Variants in TBC1D5 observed in about 807,000 individuals in gnomAD.
TBC1D5 encodes TBC1 domain family, member 5.
TBC1D5 carries 75 observed loss-of-function variants against 100.3 expected under a neutral mutation model. The observed-to-expected ratio is 0.75, with a 90% CI of 0.62 to 0.91. The LOEUF is 0.91. Among genes scored for constraint, TBC1D5 ranks in the 40% least tolerant of loss-of-function variants. The pLI is 0.00. For synonymous variants in TBC1D5, 323 were observed against 325.6 expected, an observed-to-expected ratio of 0.99 and a Z score of 0.09; for missense variants, 910 against 942.4, an observed-to-expected ratio of 0.97 and a Z score of 0.45.
In TBC1D5 at chr3:17,532,567, CAA is replaced by C. The variant is rs1225478157; in HGVS notation, c.-35-23964_-35-23963del. Among the ~76,000 whole-genome samples the C allele has an allele frequency of 3.1e-4, 47 of 152,126 alleles. 1 individual carries two copies. The highest frequency in any genetic ancestry group is 3.1e-3 in the Admixed American group (47 of 15,274). ...TTTATTGTGGCACTATTCACAATAG[CAA>C]AGTCTTGGAACCAACCCAAATGTCC... On this transcript the variant is annotated intron_variant, in intron 2 of 21. Transcript: ENST00000253692.
chr3:17,422,822 T>C (rs2094245272), intron 4 of TBC1D5, among the ~76,000 whole-genome samples: 1 of 152,176 alleles, frequency 6.6e-6, no homozygotes. Flanking sequence ...TTCAAATTTA[T>C]TGATTATTGA....
At chr3:17,687,222 TAC>T (rs1486158648) in intron 1 of TBC1D5, among the ~76,000 whole-genome samples, 2 of 151,092 alleles carry the variant, frequency 1.3e-5, no homozygotes, top group African/African-American at 5.0e-5. Flanking sequence ...ACAGTAAGTC[TAC>T]AGTCATAAAA....
At chr3:17,236,199 GA>G (rs2075835898) in intron 17 of TBC1D5, among the ~76,000 whole-genome samples, 1 of 152,106 alleles carries the variant, frequency 6.6e-6, no homozygotes, top group African/African-American at 2.4e-5. Flanking sequence ...TAGTTCCTCA[GA>G]AAATTTAAGC....
chr3:17,630,063 T>G lies in TBC1D5; in HGVS notation c.-100-6150A>C, dbSNP rs563665600. 5.3e-5 allele frequency among the ~76,000 whole-genome samples: 8 copies of G among 152,318 alleles called. No homozygotes were observed. The South Asian group carries it at 6.2e-4, about 12-fold the overall frequency. On this transcript the variant is annotated intron_variant, in intron 1 of 21. Coordinates refer to ENST00000253692, the Ensembl canonical transcript of TBC1D5. Reference sequence around the variant, plus strand: ...ATTCAGCACAATACCCACACACAGCTAACTAGCACATGTTTTTGACACGAA... The same window carrying G: ...ATTCAGCACAATACCCACACACAGCGAACTAGCACATGTTTTTGACACGAA...
chr3:17,278,464 C>T (rs2080248388), intron 15 of TBC1D5, among the ~76,000 whole-genome samples: 1 of 152,114 alleles, frequency 6.6e-6, no homozygotes, highest in Non-Finnish European at 1.5e-5. Flanking sequence ...AAAATATATG[C>T]ACAACAGAGT....
intron 1 of TBC1D5, among the ~76,000 whole-genome samples, chr3:17,735,441 T>C (rs138086452): frequency 6.6e-6 from 1 of 152,196 alleles, no homozygotes; most frequent in East Asian, 1.9e-4. Flanking sequence ...TGGAATGAGG[T>C]ATAATTGTTA....
At chr3:17,713,244 C>CTTT (rs770932378) in intron 1 of TBC1D5, among the ~76,000 whole-genome samples, 1 of 139,850 alleles carries the variant, frequency 7.2e-6, no homozygotes, top group African/African-American at 2.6e-5. Context: ...CTTTTCTTTT[C>CTTT]TTTTTTTTTT....
At chr3:17,171,810 G>A (rs2067198222) in intron 19 of TBC1D5, among the ~76,000 whole-genome samples, 1 of 152,142 alleles carries the variant, frequency 6.6e-6, no homozygotes, top group Non-Finnish European at 1.5e-5. Flanking sequence ...CAGCCAGACT[G>A]CCTAATTGTT....
intron 2 of TBC1D5, among the ~76,000 whole-genome samples, chr3:17,570,286 T>C (rs2096619088): frequency 6.6e-6 from 1 of 152,050 alleles, no homozygotes; most frequent in Non-Finnish European, 1.5e-5. Context: ...GTCAAATGCC[T>C]ATCATTTCCC....
In TBC1D5 at chr3:17,166,884, C is replaced by A; in HGVS notation, c.1977G>T (p.Gln659His). ...TCTGTTCGTTCTCTTCGGCCTCTAG[C>A]TGGCTCTGGTTAAAACGCAGGGAAC... The change falls in exon 21 of 22, where the codon CAG (glutamine) becomes CAT (histidine). Residue 659 changes from glutamine to histidine, a missense_variant. Physicochemically the swap from Gln to His is conservative, Grantham distance 24. Coordinates refer to ENST00000253692, the Ensembl canonical transcript of TBC1D5. 3 of 1,613,932 alleles carry A rather than the reference C, an allele frequency of 1.9e-6. No individual in the cohort carries two copies. In the East Asian group the frequency reaches 6.7e-5, roughly 36 times the overall value.
chr3:17,257,662 C>G (rs1482243550), intron 16 of TBC1D5, among the ~76,000 whole-genome samples: 2 of 152,094 alleles, frequency 1.3e-5, no homozygotes, highest in East Asian at 3.9e-4. Flanking sequence ...TCTTCTCATC[C>G]CTTAGACTAT....
intron 1 of TBC1D5, among the ~76,000 whole-genome samples, chr3:17,735,667 C>T (rs566078226): frequency 2.0e-5 from 3 of 152,262 alleles, no homozygotes; most frequent in East Asian, 1.9e-4. Context: ...TCAATTAGGA[C>T]GAACCCAGGC....
intron 1 of TBC1D5, among the ~76,000 whole-genome samples, chr3:17,730,042 C>T (rs910188869): frequency 6.6e-6 from 1 of 151,654 alleles, no homozygotes; most frequent in Admixed American, 6.6e-5. Context: ...ACCAGAGAGG[C>T]GGAGGTTGCA....
At chr3:17,273,680 G>C (rs995105478) in intron 15 of TBC1D5, among the ~76,000 whole-genome samples, 1 of 151,918 alleles carries the variant, frequency 6.6e-6, no homozygotes, top group African/African-American at 2.4e-5. Context: ...AATGGCAGGC[G>C]CCTGTAATCC....
chr3:17,441,627 G>A (rs539959429), intron 3 of TBC1D5, among the ~76,000 whole-genome samples: 12 of 152,262 alleles, frequency 7.9e-5, no homozygotes, highest in African/African-American at 2.9e-4. Flanking sequence ...TGGTTTTAAT[G>A]GGAGGAAGTC....
chr3:17,173,726 A>G (rs2067397125), intron 19 of TBC1D5, among the ~76,000 whole-genome samples: 1 of 152,136 alleles, frequency 6.6e-6, no homozygotes, highest in Non-Finnish European at 1.5e-5. Flanking sequence ...TCTGATAGGA[A>G]TTTAGATACC....
intron 13 of TBC1D5, among the ~76,000 whole-genome samples, chr3:17,320,711 T>C (rs184630628): frequency 6.6e-5 from 10 of 152,346 alleles, no homozygotes; most frequent in South Asian, 6.2e-4. Context: ...AACAGAGATA[T>C]ACATTCATGA....
intron 8 of TBC1D5, among the ~76,000 whole-genome samples, chr3:17,400,397 T>C (rs1669804346): frequency 6.6e-6 from 1 of 152,166 alleles, no homozygotes; most frequent in South Asian, 2.1e-4. Flanking sequence ...ATTCAGCTTT[T>C]ACAATTAAAT....
intron 19 of TBC1D5, among the ~76,000 whole-genome samples, chr3:17,182,773 T>C (rs951568719): frequency 2.6e-5 from 4 of 152,216 alleles, no homozygotes; most frequent in African/African-American, 7.2e-5. Flanking sequence ...TTTGGTGTAT[T>C]TTAAAGTGCA....
Sources: gnomAD v4.1 joint callset for allele counts (sites outside exome capture counted in the v4.1 genomes callset) on GRCh38, gnomAD v4.1.1 for gene constraint, MANE v1.5 for transcripts, NCBI Gene and HGNC (gene_info 2026-07-23, HGNC 2026-07-21) for gene names.